The following FBP1 variants were observed in gnomAD, a reference collection of about 807,000 sequenced individuals.
FBP1 encodes the protein fructose-bisphosphatase 1.
A neutral mutation model predicts 29.9 loss-of-function variants in FBP1; 22 were observed. The observed-to-expected ratio is 0.74, with a 90% CI of 0.53 to 1.05. The LOEUF (loss-of-function observed/expected upper bound fraction) is 1.05. FBP1 is among the 50% of genes least tolerant of loss of function. FBP1 has a pLI of 0.00. For synonymous variants in FBP1, 175 were observed against 178.6 expected (o/e 0.98, Z 0.16); for missense variants, 345 against 448.2 (o/e 0.77, Z 2.08).
chr9:94,615,691 T>C (rs1827851859), intron 3 of FBP1, among the ~76,000 whole-genome samples: 1 of 152,286 alleles, frequency 6.6e-6, no homozygotes, highest in Non-Finnish European at 1.5e-5. Flanking sequence ...TTACCCAAGA[T>C]AAAAAGCAAA....
rs529526359 is a variant in FBP1 at position 94,615,733 on chromosome 9, A to G, written c.426+2035T>C. 2.6e-5 allele frequency among the ~76,000 whole-genome samples: 4 copies of G among 152,296 alleles called. No homozygotes were observed. In the South Asian group the frequency reaches 6.2e-4, roughly 24 times the overall value. ...TCCAATGACCAAAGATAACTGTGCC[A>G]TGGGGGCTCTACTTTTCACATATTT... is the stretch of plus-strand genomic sequence containing the variant. On this transcript the variant is annotated intron_variant, in intron 3 of 6. Transcript: ENST00000375326.
intron 2 of FBP1, among the ~76,000 whole-genome samples, chr9:94,618,917 C>A (rs1238797149): frequency 6.6e-6 from 1 of 152,134 alleles, no homozygotes; most frequent in East Asian, 1.9e-4. Flanking sequence ...TGCTTTGAGA[C>A]CCAGTTTACC....
At chr9:94,635,187 G>A (rs1828174415) in intron 1 of FBP1, among the ~76,000 whole-genome samples, 1 of 151,812 alleles carries the variant, frequency 6.6e-6, no homozygotes, top group Non-Finnish European at 1.5e-5. Flanking sequence ...GAGATGTGTA[G>A]TGTGGCCAAA....
intron 3 of FBP1, among the ~76,000 whole-genome samples, chr9:94,616,153 C>G (rs1294196151): frequency 6.6e-6 from 1 of 151,968 alleles, no homozygotes; most frequent in Non-Finnish European, 1.5e-5. Context: ...TAAGTTAATG[C>G]CTTTGTGTCC....
intron 1 of FBP1, among the ~76,000 whole-genome samples, chr9:94,635,560 G>T (rs571953305): frequency 2.6e-5 from 4 of 152,338 alleles, no homozygotes; most frequent in South Asian, 4.1e-4. Flanking sequence ...AGGAATGCTG[G>T]TTTTTCTTTC....
At chr9:94,612,095 G>A (rs1365897690) in intron 3 of FBP1, among the ~76,000 whole-genome samples, 2 of 152,174 alleles carry the variant, frequency 1.3e-5, no homozygotes, top group Non-Finnish European at 2.9e-5. Context: ...AAACTTACAG[G>A]ATCAAAACTT....
At chr9:94,608,273 C>A (rs1051521578) in intron 4 of FBP1, among the ~76,000 whole-genome samples, 1 of 152,204 alleles carries the variant, frequency 6.6e-6, no homozygotes. Flanking sequence ...ACCTCCCTGG[C>A]GGGAGGCTCA....
intron 1 of FBP1, among the ~76,000 whole-genome samples, chr9:94,623,205 G>A (rs934376885): frequency 2.6e-5 from 4 of 152,014 alleles, no homozygotes; most frequent in African/African-American, 4.8e-5. Flanking sequence ...GGCTGGTCTC[G>A]AACTCCTGAC....
rs1207191832 is a variant in FBP1 at position 94,639,322 on chromosome 9, G to A, written c.-12C>T. On this transcript the variant is annotated 5_prime_UTR_variant, in exon 1 of 7. Transcript: ENST00000375326. ...GCCTGGTCAGCCATGCTTGAACCGG[G>A]TAGAGCGCGGGGCTGCAGGTGCAAG... 6.2e-7 allele frequency: 1 copy of A among 1,603,696 alleles called. No homozygotes were observed. The highest frequency in any genetic ancestry group is 1.3e-5 in the African/African-American group (1 of 74,906).
chr9:94,623,526 C>G (rs899657141), intron 1 of FBP1, among the ~76,000 whole-genome samples: 1 of 152,350 alleles, frequency 6.6e-6, no homozygotes, highest in South Asian at 2.1e-4. Flanking sequence ...CTGACAGGGA[C>G]AGCTCGGGGG....
At chr9:94,631,211 C>T (rs1248301999) in intron 1 of FBP1, among the ~76,000 whole-genome samples, 1 of 152,110 alleles carries the variant, frequency 6.6e-6, no homozygotes, top group Non-Finnish European at 1.5e-5. Flanking sequence ...CTTTCCAGCC[C>T]CAGAGATACG....
intron 1 of FBP1, among the ~76,000 whole-genome samples, chr9:94,628,479 A>C (rs1346122722): frequency 2.0e-5 from 3 of 152,188 alleles, no homozygotes; most frequent in Non-Finnish European, 4.4e-5. Flanking sequence ...ATGTCAGAGC[A>C]TAAGGAGCAA....
At chr9:94,630,804 T>C (rs935937154) in intron 1 of FBP1, among the ~76,000 whole-genome samples, 2 of 151,178 alleles carry the variant, frequency 1.3e-5, no homozygotes, top group East Asian at 1.9e-4. Flanking sequence ...CATCAAGTTG[T>C]GCAAAGCCCC....
intron 4 of FBP1, among the ~76,000 whole-genome samples, chr9:94,607,723 C>T (rs1462918573): frequency 2.0e-5 from 3 of 152,084 alleles, no homozygotes; most frequent in Non-Finnish European, 4.4e-5. Context: ...GTGATCGAGG[C>T]TCTGCCCATT....
chr9:94,620,798 G>A (rs1418357103), intron 1 of FBP1, among the ~76,000 whole-genome samples: 1 of 152,202 alleles, frequency 6.6e-6, no homozygotes, highest in Non-Finnish European at 1.5e-5. Context: ...AGCATTAGGA[G>A]AAATACCTAA....
chr9:94,604,457 G>A (rs1268605119), intron 6 of FBP1, among the ~76,000 whole-genome samples: 5 of 148,464 alleles, frequency 3.4e-5, no homozygotes, highest in Non-Finnish European at 7.4e-5. Context: ...GTGTTTAAGG[G>A]AACTGTTGTT....
chr9:94,606,559 T>C (rs948194118), intron 5 of FBP1, among the ~76,000 whole-genome samples: 1 of 152,206 alleles, frequency 6.6e-6, no homozygotes, highest in Non-Finnish European at 1.5e-5. Context: ...AGAATTCCAG[T>C]CTCCAGTACT....
rs756684836 is a variant in FBP1 at position 94,603,350 on chromosome 9, G to A, written c.*31C>T. 1 of 1,589,272 alleles carries A rather than the reference G, an allele frequency of 6.3e-7. No individual in the cohort carries two copies. Among genetic ancestry groups the A allele is most frequent in the Non-Finnish European group, 8.6e-7 (1 of 1,160,574 alleles). ...TGTGAGACAAAAGGTCCAGGTAGAG[G>A]CAATTCTCCGGATGCAGGCAGGGCA... On this transcript the variant is annotated 3_prime_UTR_variant, in exon 7 of 7. Transcript: ENST00000375326.
At chr9:94,607,941 C>G (rs921485013) in intron 4 of FBP1, among the ~76,000 whole-genome samples, 1 of 152,096 alleles carries the variant, frequency 6.6e-6, no homozygotes, top group African/African-American at 2.4e-5. Flanking sequence ...TACTTTTATG[C>G]CTTTTTTAAT....
Sources: allele counts gnomAD v4.1 joint callset (sites outside exome capture counted in the v4.1 genomes callset), GRCh38; gene constraint gnomAD v4.1.1; transcripts MANE v1.5; gene names NCBI Gene and HGNC (gene_info 2026-07-23, HGNC 2026-07-21).